Variants in VTI1A observed in about 807,000 individuals in gnomAD.
VTI1A encodes vesicle transport through interaction with t-SNAREs 1A.
In VTI1A, 22 loss-of-function variants were observed where a neutral mutation model predicts 34.9. The observed-to-expected ratio is 0.63, with a 90% CI of 0.45 to 0.90. VTI1A has a LOEUF of 0.90. Among genes scored for constraint, VTI1A ranks in the 40% least tolerant of loss-of-function variants. VTI1A has a pLI of 0.00. For missense variants in VTI1A, 268 were observed against 275.6 expected, an observed-to-expected ratio of 0.97 and a Z score of 0.20; for synonymous variants, 87 against 97.3, an observed-to-expected ratio of 0.89 and a Z score of 0.62.
At chr10:112,830,849 A>ATATATATATATTT in the VTI1A span, among the ~76,000 whole-genome samples, 2 of 33,496 alleles carry the variant, frequency 6.0e-5, no homozygotes, top group Non-Finnish European at 4.9e-5. Context: ...ATATATATAT[A>ATATATATATATTT]TTTTTTTTTT....
chr10:112,470,704 C>T (rs376989562), intron 3 of VTI1A, among the ~76,000 whole-genome samples: 76 of 152,204 alleles, frequency 5.0e-4, no homozygotes, highest in African/African-American at 1.8e-3. Context: ...CCAGCCTGGC[C>T]AACATGGTGA....
intron 5 of VTI1A, chr10:112,538,653 A>G (rs1472536204): frequency 8.9e-6 from 2 of 224,096 alleles, no homozygotes; most frequent in Non-Finnish European, 1.7e-5. Context: ...ACATGGCGCA[A>G]TCTCCAGTTT....
Position 112,720,739 on chromosome 10 carries a change from C to T in VTI1A, c.560+51741C>T, listed in dbSNP as rs559700352. 2.6e-5 allele frequency among the ~76,000 whole-genome samples: 4 copies of T among 152,222 alleles called. No individual in the cohort carries two copies. In the South Asian group the frequency reaches 6.2e-4, roughly 24 times the overall value. ...AAAACTTTGTTTTCCGTTTGGTTAG[C>T]GATACGGATATTAGTGGTCCCAGAA... On this transcript the variant is annotated intron_variant, in intron 7 of 7. Transcript: ENST00000393077.
At chr10:112,785,586 A>G (rs1852262150) in intron 7 of VTI1A, among the ~76,000 whole-genome samples, 1 of 152,192 alleles carries the variant, frequency 6.6e-6, no homozygotes, top group Non-Finnish European at 1.5e-5. Context: ...GCCTGTCCCA[A>G]GGTTAGAAAA....
At chr10:112,566,852 C>T (rs1851921305) in intron 5 of VTI1A, among the ~76,000 whole-genome samples, 1 of 151,982 alleles carries the variant, frequency 6.6e-6, no homozygotes, top group Admixed American at 6.5e-5. Flanking sequence ...TATTTGTCAG[C>T]CAGTTATGTG....
At chr10:112,623,309 G>A (rs1845798235) in intron 5 of VTI1A, among the ~76,000 whole-genome samples, 1 of 152,264 alleles carries the variant, frequency 6.6e-6, no homozygotes, top group Non-Finnish European at 1.5e-5. Context: ...CAGGCTAGAG[G>A]CTTTTAAGAG....
the VTI1A span, among the ~76,000 whole-genome samples, chr10:112,833,069 A>G: frequency 2.0e-5 from 3 of 152,146 alleles, no homozygotes; most frequent in African/African-American, 7.2e-5. Context: ...AAGAGTTCAC[A>G]TGTTACCATG....
chr10:112,447,464 C>G lies in VTI1A; in HGVS notation c.91C>G (p.Pro31Ala). 6.2e-7 allele frequency: 1 copy of G among 1,613,304 alleles called. No homozygotes were observed. The highest frequency in any genetic ancestry group is 1.8e-4 in the Middle Eastern group (1 of 5,708). Reference protein sequence around the residue: ...SKIARVPRLPPDEKKQMVANV... With the variant: ...SKIARVPRLPADEKKQMVANV... ...GATTGCGAGGGTCCCACGACTCCCG[C>G]CTGGTGAGAGCCTTGCCCGGCTGGA... Residue 31 changes from proline to alanine, a missense_variant, in exon 1 of 8, where the codon CCT becomes GCT. Coordinates refer to ENST00000393077, the MANE Select transcript of VTI1A (RefSeq NM_145206.4).
chr10:112,499,543 A>G lies in VTI1A; in HGVS notation c.265-27544A>G, dbSNP rs182289338. On this transcript the variant is annotated intron_variant, in intron 3 of 7. Transcript: ENST00000393077. ...TCTCTAGCCTAGACTTTCACATTGC[A>G]TTCTCCACCATTTTTTCAATTGTCC... Among the ~76,000 whole-genome samples, 290 of 152,270 alleles carry G rather than the reference A, an allele frequency of 1.9e-3. 2 individuals are homozygous for G. Among genetic ancestry groups the G allele is most frequent in the African/African-American group, 6.0e-3 (251 of 41,558 alleles).
At chr10:112,599,101 C>T (rs745412132) in intron 5 of VTI1A, among the ~76,000 whole-genome samples, 38 of 152,118 alleles carry the variant, frequency 2.5e-4, no homozygotes, top group Non-Finnish European at 4.6e-4. Flanking sequence ...GTCAACCTTC[C>T]AGAAACTTCT....
chr10:112,826,563 C>T, the VTI1A span: 6 of 152,198 alleles, frequency 3.9e-5, no homozygotes, highest in East Asian at 1.2e-3. Context: ...AAGACCAGTC[C>T]TCAGTATCTG....
chr10:112,624,434 A>G (rs1198790725), intron 5 of VTI1A, among the ~76,000 whole-genome samples: 3 of 152,162 alleles, frequency 2.0e-5, no homozygotes, highest in African/African-American at 4.8e-5. Flanking sequence ...GCTTTTTAAT[A>G]TACATTTTCA....
intron 3 of VTI1A, among the ~76,000 whole-genome samples, chr10:112,507,248 C>T (rs1236208472): frequency 6.6e-6 from 1 of 152,048 alleles, no homozygotes; most frequent in East Asian, 1.9e-4. Context: ...CCAGAGATCT[C>T]TTTCTGCTTT....
chr10:112,668,413 C>A, intron 6 of VTI1A, 125 bp downstream of exon 6: 2 of 1,021,960 alleles, frequency 2.0e-6, no homozygotes, highest in Non-Finnish European at 1.4e-6. Context: ...GGTATAAGGT[C>A]TGTGGAAAGG....
chr10:112,532,413 A>G (rs1461560145), intron 4 of VTI1A, among the ~76,000 whole-genome samples: 1 of 152,202 alleles, frequency 6.6e-6, no homozygotes, highest in East Asian at 1.9e-4. Context: ...CAAATTTCAG[A>G]CCTAGAATGT....
intron 3 of VTI1A, among the ~76,000 whole-genome samples, chr10:112,515,778 A>G (rs575148092): frequency 8.4e-4 from 127 of 151,724 alleles, no homozygotes; most frequent in Non-Finnish European, 1.6e-3. Flanking sequence ...TTTTTTTGGT[A>G]TGTTTATTAG....
chr10:112,845,736 G>A, the VTI1A span, among the ~76,000 whole-genome samples: 2 of 152,102 alleles, frequency 1.3e-5, no homozygotes, highest in African/African-American at 2.4e-5. Flanking sequence ...AAAAGTGGGG[G>A]GCCGGACATG....
intron 5 of VTI1A, among the ~76,000 whole-genome samples, chr10:112,639,576 A>G (rs1008235209): frequency 6.6e-6 from 1 of 152,222 alleles, no homozygotes; most frequent in Non-Finnish European, 1.5e-5. Flanking sequence ...TCATTGAAAT[A>G]TTTAAGAACT....
At chr10:112,739,668 A>G (rs1464284734) in intron 7 of VTI1A, among the ~76,000 whole-genome samples, 1 of 152,202 alleles carries the variant, frequency 6.6e-6, no homozygotes, top group Admixed American at 6.5e-5. Context: ...TTATTTGTAA[A>G]TTGTGCGTGC....
Sources: gnomAD v4.1 joint callset for allele counts (sites outside exome capture counted in the v4.1 genomes callset) on GRCh38, gnomAD v4.1.1 for gene constraint, MANE v1.5 for transcripts, NCBI Gene and HGNC (gene_info 2026-07-23, HGNC 2026-07-21) for gene names.